Variants in HSPBAP1 observed in about 807,000 individuals in gnomAD.
The protein encoded by HSPBAP1 is HSPB1-associated protein 1.
HSPBAP1 carries 27 observed loss-of-function variants against 45.2 expected under a neutral mutation model. The observed-to-expected ratio is 0.60, with a 90% CI of 0.44 to 0.82. The LOEUF (loss-of-function observed/expected upper bound fraction) is 0.82. Among genes scored for constraint, HSPBAP1 ranks in the 40% least tolerant of loss-of-function variants. The pLI, the probability that HSPBAP1 is intolerant of heterozygous loss-of-function variation, is 0.00. For synonymous variants in HSPBAP1, 204 were observed against 202.7 expected (o/e 1.01, Z -0.06); for missense variants, 510 against 590.9 (o/e 0.86, Z 1.42).
At chr3:122,786,653 C>T (rs927177751) in intron 1 of HSPBAP1, among the ~76,000 whole-genome samples, 1 of 152,302 alleles carries the variant, frequency 6.6e-6, no homozygotes, top group Admixed American at 6.5e-5. Flanking sequence ...TAGGAGACCT[C>T]CAACACTAAA....
rs568618429 is a variant in HSPBAP1, at chr3:122,769,379, G to C, written c.251-497C>G. Among the ~76,000 whole-genome samples the C allele has an allele frequency of 1.2e-4, 18 of 152,280 alleles. No individual in the cohort carries two copies. In the South Asian group the frequency reaches 3.7e-3, roughly 32 times the overall value. On this transcript the variant is annotated intron_variant, in intron 2 of 7. Transcript: ENST00000306103. ...CCTGGAAAAGGCAAAGACCACTAGA[G>C]ATGAGGGTTGATCAGGAAAGCTTCA...
intron 1 of HSPBAP1, among the ~76,000 whole-genome samples, chr3:122,784,367 G>A (rs865800136): frequency 3.3e-5 from 5 of 152,124 alleles, no homozygotes; most frequent in African/African-American, 7.2e-5. Context: ...TTAATCATAA[G>A]CTATGTACAG....
In HSPBAP1 at chr3:122,780,753, T is replaced by C. The variant is rs1403949414; in HGVS notation, c.65-2847A>G. On this transcript the variant is annotated intron_variant, in intron 1 of 7. Coordinates refer to ENST00000306103, the MANE Select transcript of HSPBAP1 (RefSeq NM_024610.6). ...GCCGGGCGGAGGGGCTCCTCACTTC[T>C]CAGACGGGGCGGCTGCCGGGCGGAG... Among the ~76,000 whole-genome samples the C allele has an allele frequency of 1.4e-4, 19 of 134,248 alleles. No individual in the cohort carries two copies. The East Asian group carries it at 2.4e-3, about 17-fold the overall frequency. 88.1% of individuals were successfully genotyped at this position (134,248 alleles called of 152,430 possible).
chr3:122,745,843 A>G (rs931607307), intron 6 of HSPBAP1, among the ~76,000 whole-genome samples: 1 of 152,226 alleles, frequency 6.6e-6, no homozygotes, highest in Non-Finnish European at 1.5e-5. Flanking sequence ...GTAAGAAGAA[A>G]TCTTCTATCT....
chr3:122,769,355 C>G (rs1007984989), intron 2 of HSPBAP1, among the ~76,000 whole-genome samples: 13 of 152,122 alleles, frequency 8.5e-5, no homozygotes, highest in Admixed American at 8.5e-4. Context: ...CTGCTGACAC[C>G]TGGAAAAGGC....
At chr3:122,780,358 C>T (rs1403474909) in intron 1 of HSPBAP1, among the ~76,000 whole-genome samples, 2 of 109,982 alleles carry the variant, frequency 1.8e-5, no homozygotes, top group East Asian at 2.7e-4. Flanking sequence ...CCCTCCCGGA[C>T]GGGGCGGCTG....
intron 1 of HSPBAP1, 91 bp downstream of exon 1, chr3:122,793,525 TG>T: frequency 9.2e-7 from 1 of 1,082,886 alleles, no homozygotes. Context: ...AGACCTGGGT[TG>T]GGGCTAAGGC....
At chr3:122,755,033 G>T in intron 5 of HSPBAP1, 1 of 1,197,936 alleles carries the variant, frequency 8.3e-7, no homozygotes, top group Non-Finnish European at 1.0e-6. Flanking sequence ...TTACCAATAG[G>T]AGGAGCTGTG....
intron 2 of HSPBAP1, 67 bp from the exon 3 acceptor site, chr3:122,768,949 T>TTTA: frequency 9.1e-7 from 1 of 1,096,602 alleles, no homozygotes. Flanking sequence ...GTTTTTTTTT[T>TTTA]AAAATAAAGA....
At chr3:122,773,303 GTTTTTTTT>G (rs36065763) in intron 2 of HSPBAP1, among the ~76,000 whole-genome samples, 3 of 84,430 alleles carry the variant, frequency 3.6e-5, no homozygotes, top group South Asian at 4.6e-4. Flanking sequence ...AAATAAATGT[GTTTTTTTT>G]TTTTTTTTTT....
intron 6 of HSPBAP1, among the ~76,000 whole-genome samples, chr3:122,749,062 G>T (rs1934032207): frequency 6.6e-6 from 1 of 151,684 alleles, no homozygotes; most frequent in South Asian, 2.1e-4. Context: ...AATAAGTAAA[G>T]ACATATTTAT....
chr3:122,778,691 G>C (rs112178314), intron 1 of HSPBAP1, among the ~76,000 whole-genome samples: 1 of 151,804 alleles, frequency 6.6e-6, no homozygotes, highest in African/African-American at 2.4e-5. Context: ...CACTGCGCCC[G>C]GCTAATTTTT....
At chr3:122,741,801 A>T (rs1933678170) in intron 6 of HSPBAP1, 1 of 152,210 alleles carries the variant, frequency 6.6e-6, no homozygotes, top group Non-Finnish European at 1.5e-5. Context: ...ACTAATAAAC[A>T]TATGAAGATA....
At chr3:122,779,283 C>T (rs1194764954) in intron 1 of HSPBAP1, among the ~76,000 whole-genome samples, 1 of 151,470 alleles carries the variant, frequency 6.6e-6, no homozygotes, top group East Asian at 1.9e-4. Context: ...CCTCGTGATC[C>T]ACCTGCCTCG....
intron 2 of HSPBAP1, among the ~76,000 whole-genome samples, chr3:122,773,574 C>G (rs762934654): frequency 6.6e-6 from 1 of 151,864 alleles, no homozygotes; most frequent in African/African-American, 2.4e-5. Flanking sequence ...CCTTGGCCCC[C>G]CAAAGTGCTA....
rs531654184 is a variant in HSPBAP1, at chr3:122,783,296, C to T, written c.65-5390G>A. ...TGTACAGCAACTTTGCATTCAAGTT[C>T]TTCATCCTTCCATACAGGCCTATGA... On this transcript the variant is annotated intron_variant, in intron 1 of 7. Transcript: ENST00000306103. Among the ~76,000 whole-genome samples, 8 of 152,306 alleles carry T rather than the reference C, an allele frequency of 5.3e-5. No individual in the cohort carries two copies. In the East Asian group the frequency reaches 1.5e-3, roughly 29 times the overall value.
At chr3:122,780,248 C>A (rs1403919284) in intron 1 of HSPBAP1, among the ~76,000 whole-genome samples, 3 of 90,718 alleles carry the variant, frequency 3.3e-5, no homozygotes, top group Admixed American at 1.9e-4. Context: ...ACCCCCCCAC[C>A]TCCCTCCCGG....
At position 122,740,309 on chromosome 3, in the gene HSPBAP1, A is replaced by T. The variant is rs759165065; in HGVS notation, c.*36T>A. 2 of 1,326,134 alleles carry T rather than the reference A, an allele frequency of 1.5e-6. No individual in the cohort carries two copies. The highest frequency in any genetic ancestry group is 2.8e-4 in the Middle Eastern group (1 of 3,572). 82.1% of individuals were successfully genotyped at this position (1,326,134 alleles called of 1,614,324 possible). A position where few individuals can be genotyped will look rare whatever the true frequency, so the allele number is the denominator to read the frequency against. On this transcript the variant is annotated 3_prime_UTR_variant, in exon 8 of 8. Transcript: ENST00000306103. ...TCATACTACTTAAAAATATATATTTAAAAAATATTATTTTAAAAGTCATCT... is the reference window on the plus strand; with the variant it reads ...TCATACTACTTAAAAATATATATTTTAAAAATATTATTTTAAAAGTCATCT...
chr3:122,781,266 T>C (rs972034974), intron 1 of HSPBAP1, among the ~76,000 whole-genome samples: 4 of 152,024 alleles, frequency 2.6e-5, no homozygotes, highest in Non-Finnish European at 5.9e-5. Context: ...CTGGGCACCA[T>C]TGAGCACTGA....
Sources: allele counts gnomAD v4.1 joint callset (sites outside exome capture counted in the v4.1 genomes callset), GRCh38; gene constraint gnomAD v4.1.1; transcripts MANE v1.5; gene names NCBI Gene and HGNC (gene_info 2026-07-23, HGNC 2026-07-21).